Variants in MTAP observed in about 807,000 individuals in gnomAD.
MTAP encodes S-methyl-5'-thioadenosine phosphorylase.
In MTAP, 33 loss-of-function variants were observed where a neutral mutation model predicts 33.6. The observed-to-expected ratio is 0.98, with a 90% CI of 0.74 to 1.31. The LOEUF is 1.31. Ranked by LOEUF, MTAP falls within the 40% of genes most tolerant of loss-of-function variation. The pLI, the probability that MTAP is intolerant of heterozygous loss-of-function variation, is 0.00. For synonymous variants in MTAP, 148 were observed against 125.7 expected (o/e 1.18, Z -1.19); for missense variants, 367 against 360.0 (o/e 1.02, Z -0.16).
intron 4 of MTAP, among the ~76,000 whole-genome samples, chr9:21,834,081 T>TA (rs1372537708): frequency 6.6e-6 from 1 of 152,196 alleles, no homozygotes; most frequent in Non-Finnish European, 1.5e-5. Flanking sequence ...TACCCTTGAT[T>TA]TGAGGCCCAT....
intron 1 of MTAP, among the ~76,000 whole-genome samples, chr9:21,895,582 G>C (rs971336908): frequency 1.3e-5 from 2 of 152,126 alleles, no homozygotes; most frequent in Non-Finnish European, 2.9e-5. Flanking sequence ...GTGACAGATG[G>C]TACCTGGAAA....
intron 1 of MTAP, among the ~76,000 whole-genome samples, chr9:21,905,847 G>A (rs1317969540): frequency 6.6e-6 from 1 of 152,218 alleles, no homozygotes; most frequent in Non-Finnish European, 1.5e-5. Context: ...TGATGGCAAG[G>A]AGATCCTAGA....
chr9:21,837,531 A>G (rs775348617), intron 4 of MTAP, among the ~76,000 whole-genome samples: 2 of 152,226 alleles, frequency 1.3e-5, no homozygotes, highest in African/African-American at 2.4e-5. Context: ...TGATGTGTAT[A>G]TGGTGTTAAG....
At chr9:21,914,805 A>G (rs1249402957) in intron 1 of MTAP, among the ~76,000 whole-genome samples, 1 of 151,740 alleles carries the variant, frequency 6.6e-6, no homozygotes, top group Admixed American at 6.6e-5. Flanking sequence ...TAATAAACAA[A>G]TGGTATCCCT....
intron 1 of MTAP, among the ~76,000 whole-genome samples, chr9:21,914,441 C>A (rs1464003277): frequency 2.0e-5 from 3 of 152,070 alleles, no homozygotes; most frequent in Non-Finnish European, 4.4e-5. Flanking sequence ...CCATGGAATA[C>A]TATGCAGCCA....
Position 21,863,833 on chromosome 9 carries a change from T to C in MTAP, c.*1819T>C, listed in dbSNP as rs1825803104. 1 of 985,728 alleles carries C rather than the reference T, an allele frequency of 1.0e-6. No individual in the cohort carries two copies. The highest frequency in any genetic ancestry group is 6.1e-5 in the Admixed American group (1 of 16,262). The allele number at this position is 985,728 out of a possible 1,614,324, so 61.1% of individuals were successfully genotyped here. ...CTTCAAGATAATAAGCTGCTAATTG[T>C]AAACAAAACAGTTACCCTCCAGTAT... On this transcript the variant is annotated 3_prime_UTR_variant, in exon 8 of 8. Transcript: ENST00000644715.
At chr9:21,881,079 GA>G (rs1298999965) in intron 1 of MTAP, among the ~76,000 whole-genome samples, 8 of 152,052 alleles carry the variant, frequency 5.3e-5, no homozygotes, top group Non-Finnish European at 1.2e-4. Flanking sequence ...AAATGGAAAG[GA>G]ATAGAGAGCC....
chr9:21,824,293 T>C (rs1824727109), intron 4 of MTAP, among the ~76,000 whole-genome samples: 1 of 152,222 alleles, frequency 6.6e-6, no homozygotes, highest in Admixed American at 6.5e-5. Context: ...GTGGATGTCC[T>C]TTCTGTTTGT....
intron 1 of MTAP, chr9:21,812,188 C>T (rs995556801): frequency 4.1e-5 from 8 of 196,062 alleles, no homozygotes; most frequent in Non-Finnish European, 8.4e-5. Context: ...ACCATGTTTG[C>T]GGCCAGCTTC....
chr9:21,825,002 C>G (rs1286880083), intron 4 of MTAP, among the ~76,000 whole-genome samples: 3 of 152,114 alleles, frequency 2.0e-5, no homozygotes, highest in Non-Finnish European at 4.4e-5. Context: ...CGTCTGTCAC[C>G]CCTTCCCTTT....
chr9:21,840,075 A>G (rs1288080585), intron 5 of MTAP, among the ~76,000 whole-genome samples: 1 of 152,106 alleles, frequency 6.6e-6, no homozygotes, highest in Non-Finnish European at 1.5e-5. Context: ...AAATACGAAA[A>G]GTTAGCCAGG....
intron 1 of MTAP, chr9:21,811,692 C>G (rs1303522000): frequency 5.6e-6 from 3 of 531,692 alleles, no homozygotes; most frequent in Non-Finnish European, 1.2e-5. Context: ...TGCTGGTACT[C>G]AGACACCAGG....
intron 6 of MTAP, among the ~76,000 whole-genome samples, chr9:21,857,961 A>G (rs1825674886): frequency 6.6e-6 from 1 of 152,172 alleles, no homozygotes; most frequent in Non-Finnish European, 1.5e-5. Flanking sequence ...TGGTAGCTAG[A>G]TTTAGAAATT....
chr9:21,894,241 A>T (rs1015727465), intron 1 of MTAP, among the ~76,000 whole-genome samples: 74 of 150,452 alleles, frequency 4.9e-4, no homozygotes, highest in African/African-American at 1.6e-3. Flanking sequence ...CTAGGTATTG[A>T]AGTAGCATAC....
chr9:21,892,026 G>A (rs1023417716), intron 1 of MTAP, among the ~76,000 whole-genome samples: 2 of 152,104 alleles, frequency 1.3e-5, no homozygotes, highest in Non-Finnish European at 2.9e-5. Flanking sequence ...GCCAAACTAA[G>A]CTTCATAAGA....
intron 1 of MTAP, among the ~76,000 whole-genome samples, chr9:21,894,504 A>T (rs1000238513): frequency 1.9e-4 from 29 of 150,300 alleles, no homozygotes; most frequent in African/African-American, 7.1e-4. Flanking sequence ...AAGACTCCAT[A>T]GTGAACACTG....
At chr9:21,807,138 T>A (rs1466045997) in intron 1 of MTAP, among the ~76,000 whole-genome samples, 7 of 152,228 alleles carry the variant, frequency 4.6e-5, no homozygotes, top group Non-Finnish European at 1.0e-4. Flanking sequence ...CACTCCAGCC[T>A]GGGCGACAGA....
chr9:21,813,224 G>A (rs548279914), intron 1 of MTAP, among the ~76,000 whole-genome samples: 15 of 152,348 alleles, frequency 9.8e-5, no homozygotes, highest in Admixed American at 7.8e-4. Flanking sequence ...CCAGTTTCCT[G>A]GGATGGCGGG....
At chr9:21,920,523 C>A (rs758859790) in intron 1 of MTAP, among the ~76,000 whole-genome samples, 3 of 151,996 alleles carry the variant, frequency 2.0e-5, no homozygotes, top group Non-Finnish European at 4.4e-5. Flanking sequence ...TTTTATTTTC[C>A]CAGATTTTAC....
Sources: gnomAD v4.1 joint callset for allele counts (sites outside exome capture counted in the v4.1 genomes callset) on GRCh38, gnomAD v4.1.1 for gene constraint, MANE v1.5 for transcripts, NCBI Gene and HGNC (gene_info 2026-07-23, HGNC 2026-07-21) for gene names.